AMBRA1: variants seen among roughly 807,000 people sequenced by gnomAD.
AMBRA1 encodes the protein autophagy and beclin 1 regulator 1, also known as activating molecule in BECN1-regulated autophagy protein 1.
AMBRA1 carries 47 observed loss-of-function variants against 125.4 expected under a neutral mutation model. The ratio of observed to expected loss-of-function variants is 0.37; its 90% CI spans 0.30 to 0.48. The LOEUF is 0.48. Among genes scored for constraint, AMBRA1 ranks in the 20% least tolerant of loss-of-function variants. AMBRA1 has a pLI of 0.99. For missense variants in AMBRA1, 1,331 were observed against 1,693.4 expected, an observed-to-expected ratio of 0.79 and a Z score of 3.76; for synonymous variants, 626 against 655.5, an observed-to-expected ratio of 0.95 and a Z score of 0.69.
Position 46,537,292 on chromosome 11 carries a change from C to T in AMBRA1, c.2072+4653G>A, listed in dbSNP as rs532893250. 6.6e-5 allele frequency among the ~76,000 whole-genome samples: 10 copies of T among 152,306 alleles called. No homozygotes were observed. In the South Asian group the frequency reaches 2.1e-3, roughly 32 times the overall value. On this transcript the variant is annotated intron_variant, in intron 7 of 17. Transcript: ENST00000683756. Reference sequence around the variant, plus strand: ...GACAAAGAAAACTGCTGTTTGAAGGCACTTATTTCAAATGAAACGGAGGAA... The same window carrying T: ...GACAAAGAAAACTGCTGTTTGAAGGTACTTATTTCAAATGAAACGGAGGAA...
intron 1 of AMBRA1, among the ~76,000 whole-genome samples, chr11:46,574,715 C>T (rs147477283): frequency 6.6e-6 from 1 of 152,324 alleles, no homozygotes; most frequent in Admixed American, 6.5e-5. Context: ...TCCTTACTCT[C>T]ATGGCCAACT....
intron 14 of AMBRA1, among the ~76,000 whole-genome samples, chr11:46,421,769 G>A (rs1323673709): frequency 2.6e-5 from 4 of 152,178 alleles, no homozygotes; most frequent in Non-Finnish European, 4.4e-5. Context: ...AGATGGTTAC[G>A]TAGCTCTGCT....
At chr11:46,488,853 T>C (rs1950357140) in intron 11 of AMBRA1, among the ~76,000 whole-genome samples, 1 of 152,112 alleles carries the variant, frequency 6.6e-6, no homozygotes, top group East Asian at 1.9e-4. Context: ...CCCAAAAAAG[T>C]AATAGGTCAA....
At chr11:46,532,611 A>AT (rs1170077794) in intron 7 of AMBRA1, among the ~76,000 whole-genome samples, 1 of 152,070 alleles carries the variant, frequency 6.6e-6, no homozygotes, top group Non-Finnish European at 1.5e-5. Flanking sequence ...TAATTTTTGT[A>AT]TTTTTAGCAG....
At chr11:46,478,325 G>A (rs1003502092) in intron 11 of AMBRA1, among the ~76,000 whole-genome samples, 5 of 152,048 alleles carry the variant, frequency 3.3e-5, no homozygotes, top group African/African-American at 9.7e-5. Context: ...ATGATGCCAC[G>A]GGTACAGGTT....
At chr11:46,524,511 T>C (rs1465421181) in intron 7 of AMBRA1, among the ~76,000 whole-genome samples, 1 of 152,222 alleles carries the variant, frequency 6.6e-6, no homozygotes, top group African/African-American at 2.4e-5. Flanking sequence ...AATTTAGTGT[T>C]TGAGCCTTAG....
At chr11:46,507,374 G>A (rs1329070054) in intron 9 of AMBRA1, among the ~76,000 whole-genome samples, 2 of 151,334 alleles carry the variant, frequency 1.3e-5, no homozygotes, top group Non-Finnish European at 2.9e-5. Flanking sequence ...AGCTACTCAG[G>A]AGGCTGAGGC....
chr11:46,493,393 T>C (rs1950531298), intron 11 of AMBRA1, among the ~76,000 whole-genome samples: 1 of 152,094 alleles, frequency 6.6e-6, no homozygotes, highest in East Asian at 1.9e-4. Flanking sequence ...AAAAAAGGTC[T>C]AGGGAAAGTG....
chr11:46,458,909 G>A (rs1214414718), intron 11 of AMBRA1, among the ~76,000 whole-genome samples: 2 of 152,206 alleles, frequency 1.3e-5, no homozygotes, highest in Non-Finnish European at 2.9e-5. Flanking sequence ...CTACCTATGC[G>A]TATTAGAGGG....
Position 46,470,360 on chromosome 11 carries a change from G to A in AMBRA1, c.2521+23248C>T, listed in dbSNP as rs186722119. Among the ~76,000 whole-genome samples, 6 of 152,100 alleles carry A rather than the reference G, an allele frequency of 3.9e-5. 1 individual carries two copies. Among genetic ancestry groups the A allele is most frequent in the Admixed American group, 1.3e-4 (2 of 15,272 alleles). ...TCCCAGCACTTTGGGAGTCCGAGAC[G>A]GGCGGATCACGAGGTCAGGAGATCG... On this transcript the variant is annotated intron_variant, in intron 11 of 17. Transcript: ENST00000683756.
At chr11:46,512,942 T>G (rs1305456537) in intron 7 of AMBRA1, 129 bp from the exon 8 acceptor site, 3 of 729,756 alleles carry the variant, frequency 4.1e-6, no homozygotes, top group Non-Finnish European at 6.5e-6. Flanking sequence ...TTATCTGGGA[T>G]CACACCCTTC....
At chr11:46,529,302 T>C (rs1342915756) in intron 7 of AMBRA1, among the ~76,000 whole-genome samples, 1 of 152,186 alleles carries the variant, frequency 6.6e-6, no homozygotes, top group Non-Finnish European at 1.5e-5. Flanking sequence ...GAACCTCCAT[T>C]TTCCCCCTTT....
intron 11 of AMBRA1, among the ~76,000 whole-genome samples, chr11:46,446,026 G>T (rs576166956): frequency 5.3e-5 from 8 of 152,168 alleles, no homozygotes; most frequent in African/African-American, 1.9e-4. Flanking sequence ...CCCGGCTCCA[G>T]AGGCATCCTG....
intron 4 of AMBRA1, chr11:46,546,240 A>C (rs1201807678): frequency 6.5e-6 from 1 of 153,298 alleles, no homozygotes; most frequent in African/African-American, 2.4e-5. Flanking sequence ...TTGGTATAAT[A>C]TCCTGCCCAG....
intron 7 of AMBRA1, among the ~76,000 whole-genome samples, chr11:46,520,084 A>G (rs1951690429): frequency 6.6e-6 from 1 of 150,424 alleles, no homozygotes; most frequent in Non-Finnish European, 1.5e-5. Flanking sequence ...GGTTGCAGTG[A>G]CCCAAGATGG....
At position 46,506,402 on chromosome 11, in the gene AMBRA1, TA is replaced by T. The variant is rs774700384; in HGVS notation, c.2339+1788del. ...TTGCTTCTAAGAGCACAAATGCTAG[TA>T]GTGTGTTTAATGACAGCATCAGGAA... is the stretch of plus-strand genomic sequence containing the variant. On this transcript the variant is annotated intron_variant, in intron 9 of 17. Transcript: ENST00000683756. Among the ~76,000 whole-genome samples the T allele has an allele frequency of 1.4e-4, 21 of 152,258 alleles. 1 individual carries two copies. The highest frequency in any genetic ancestry group is 2.4e-4 in the Non-Finnish European group (16 of 68,042).
chr11:46,494,145 G>A lies in AMBRA1; in HGVS notation c.2399C>T (p.Ser800Leu), dbSNP rs867597234. 5.0e-6 allele frequency: 8 copies of A among 1,608,584 alleles called. No homozygotes were observed. Among genetic ancestry groups the A allele is most frequent in the Non-Finnish European group, 6.8e-6 (8 of 1,177,224 alleles). ...APRNARMSAP[S>L]LGRFVPRRFL... ...TTACCTTGGGACAAAGCGTCCAAGCGAAGGTGCAGACATCCGGGCATTGCG... is the reference window on the plus strand; with the variant it reads ...TTACCTTGGGACAAAGCGTCCAAGCAAAGGTGCAGACATCCGGGCATTGCG... The change falls in exon 10 of 18, where the codon TCG becomes TTG. Residue 800 changes from serine to leucine, a missense_variant. Ser to Leu is a moderately radical substitution (Grantham distance 145). Transcript: ENST00000683756.
chr11:46,556,795 C>T (rs1409395435), intron 1 of AMBRA1, among the ~76,000 whole-genome samples: 1 of 152,076 alleles, frequency 6.6e-6, no homozygotes, highest in Non-Finnish European at 1.5e-5. Flanking sequence ...ATGAAAAATG[C>T]TTATAGTAGA....
At chr11:46,421,833 G>A (rs749056463) in intron 14 of AMBRA1, among the ~76,000 whole-genome samples, 7 of 152,212 alleles carry the variant, frequency 4.6e-5, no homozygotes, top group Non-Finnish European at 1.0e-4. Context: ...CAGAGACTGG[G>A]TGAGTTGTGA....
Sources: gnomAD v4.1 joint callset for allele counts (sites outside exome capture counted in the v4.1 genomes callset) on GRCh38, gnomAD v4.1.1 for gene constraint, MANE v1.5 for transcripts, NCBI Gene and HGNC (gene_info 2026-07-23, HGNC 2026-07-21) for gene names.